The following THSD7B variants were observed in gnomAD, a reference collection of about 807,000 sequenced individuals.
The protein encoded by THSD7B is thrombospondin type-1 domain-containing protein 7B.
Under a neutral mutation model 213.6 loss-of-function variants are expected in THSD7B, and 138 were observed. The observed-to-expected ratio is 0.65, with a 90% CI of 0.56 to 0.74. The LOEUF is 0.74. Ranked by LOEUF, THSD7B falls within the 30% of genes least tolerant of loss-of-function variation. The pLI, the probability that THSD7B is intolerant of heterozygous loss-of-function variation, is 0.00. For synonymous variants in THSD7B, 742 were observed against 687.0 expected (o/e 1.08, Z -1.25); for missense variants, 1,931 against 1,991.5 (o/e 0.97, Z 0.58).
intron 1 of THSD7B, among the ~76,000 whole-genome samples, chr2:136,798,156 C>T (rs1175771565): frequency 1.3e-5 from 2 of 151,850 alleles, no homozygotes; most frequent in East Asian, 1.9e-4. Context: ...TTTATTCAAA[C>T]CTGATTCTTT....
At chr2:137,606,227 A>C (rs1682174594) in intron 17 of THSD7B, among the ~76,000 whole-genome samples, 1 of 152,162 alleles carries the variant, frequency 6.6e-6, no homozygotes, top group South Asian at 2.1e-4. Flanking sequence ...ATGAGGAAAG[A>C]GGAAAAAAAA....
Position 137,485,820 on chromosome 2 carries a change from A to G in THSD7B, c.3138+34797A>G, listed in dbSNP as rs1304501061. ...TCTCAGCAGAAACTCTACAAGCCAG[A>G]AGAGAGTGGGGGCCAATATTCAACA... is the stretch of plus-strand genomic sequence containing the variant. On this transcript the variant is annotated intron_variant, in intron 15 of 27. Coordinates refer to ENST00000409968, the MANE Select transcript of THSD7B (RefSeq NM_001316349.2). Among the ~76,000 whole-genome samples the G allele has an allele frequency of 8.5e-5, 13 of 152,088 alleles. No individual in the cohort carries two copies. The East Asian group carries it at 2.5e-3, about 29-fold the overall frequency.
chr2:137,676,665 T>G lies in THSD7B; in HGVS notation c.*60T>G, dbSNP rs531323498. The G allele has an allele frequency of 4.7e-5, 66 of 1,400,400 alleles. 1 individual carries two copies. The South Asian group carries it at 8.3e-4, about 18-fold the overall frequency. 86.7% of individuals were successfully genotyped at this position (1,400,400 alleles called of 1,614,324 possible). On this transcript the variant is annotated 3_prime_UTR_variant, in exon 28 of 28. Coordinates refer to ENST00000409968, the MANE Select transcript of THSD7B (RefSeq NM_001316349.2). Reference sequence around the variant, plus strand: ...CCTTAACCGCTTTCTCTTTTGTAGCTCTCAGACTTCTCAGTTTTTTGAGGA... The same window carrying G: ...CCTTAACCGCTTTCTCTTTTGTAGCGCTCAGACTTCTCAGTTTTTTGAGGA...
chr2:136,951,161 C>T (rs530540389), intron 2 of THSD7B, among the ~76,000 whole-genome samples: 3 of 152,238 alleles, frequency 2.0e-5, no homozygotes, highest in Admixed American at 1.3e-4. Flanking sequence ...TGGGACCCTA[C>T]TGAGAATGAG....
At chr2:137,298,606 C>T (rs1683522519) in intron 12 of THSD7B, among the ~76,000 whole-genome samples, 1 of 152,170 alleles carries the variant, frequency 6.6e-6, no homozygotes, top group Non-Finnish European at 1.5e-5. Context: ...GTTTCGTGGG[C>T]TGGGCCCAGG....
At chr2:136,892,008 G>A (rs1349174467) in intron 2 of THSD7B, among the ~76,000 whole-genome samples, 1 of 152,060 alleles carries the variant, frequency 6.6e-6, no homozygotes, top group East Asian at 1.9e-4. Context: ...AACTAGCTGG[G>A]GTTGGAACAG....
intron 15 of THSD7B, among the ~76,000 whole-genome samples, chr2:137,480,781 C>T (rs1055233808): frequency 3.2e-4 from 49 of 152,212 alleles, no homozygotes; most frequent in African/African-American, 1.2e-3. Flanking sequence ...TACTGGAATT[C>T]TCTAGACTTT....
intron 2 of THSD7B, among the ~76,000 whole-genome samples, chr2:136,929,594 G>A (rs1684595791): frequency 6.6e-6 from 1 of 152,160 alleles, no homozygotes; most frequent in Non-Finnish European, 1.5e-5. Flanking sequence ...AACCACTGAT[G>A]TCAGCTCAAT....
At chr2:137,142,179 TCA>T (rs1182525425) in intron 5 of THSD7B, among the ~76,000 whole-genome samples, 1 of 152,178 alleles carries the variant, frequency 6.6e-6, no homozygotes, top group African/African-American at 2.4e-5. Flanking sequence ...ATTTATTGAC[TCA>T]CATTTCTGGA....
chr2:137,086,346 C>T (rs1021290767), intron 3 of THSD7B, among the ~76,000 whole-genome samples: 1 of 151,524 alleles, frequency 6.6e-6, no homozygotes, highest in African/African-American at 2.4e-5. Context: ...CCCCCACCAC[C>T]AAAAAAAGTC....
intron 1 of THSD7B, among the ~76,000 whole-genome samples, chr2:136,866,003 C>G (rs1421097052): frequency 6.6e-6 from 1 of 152,178 alleles, no homozygotes; most frequent in African/African-American, 2.4e-5. Context: ...TACCTATTGT[C>G]TCATAAATAT....
Position 137,676,581 on chromosome 2 carries a change from C to T in THSD7B, c.4797C>T (p.Ala1599=), listed in dbSNP as rs778486494. 6 of 1,592,666 alleles carry T rather than the reference C, an allele frequency of 3.8e-6. No individual in the cohort carries two copies. In the African/African-American group the frequency reaches 6.8e-5, roughly 18 times the overall value. The change falls in exon 28 of 28, where the codon GCC becomes GCT. Residue 1599 remains alanine (A), a synonymous_variant. Coordinates refer to ENST00000409968, the MANE Select transcript of THSD7B (RefSeq NM_001316349.2). ...TPPQQKPLTL[A]YDGDLDM is the part of the protein sequence containing the mutation. The stretch of plus-strand genomic sequence containing the variant: ...CCCAACAGAAGCCTCTGACCTTAGC[C>T]TACGATGGAGACTTAGACATGTAAT...
chr2:137,190,964 G>A (rs1680645544), intron 7 of THSD7B, among the ~76,000 whole-genome samples: 1 of 152,164 alleles, frequency 6.6e-6, no homozygotes, highest in Non-Finnish European at 1.5e-5. Context: ...TCTAAGCCAG[G>A]ACTGAGAGAC....
intron 2 of THSD7B, among the ~76,000 whole-genome samples, chr2:136,890,183 A>G (rs1338651880): frequency 6.6e-6 from 1 of 151,776 alleles, no homozygotes; most frequent in Non-Finnish European, 1.5e-5. Flanking sequence ...TTTTTTATCC[A>G]TGAAGTCTGA....
At chr2:136,986,218 T>C (rs1402806196) in intron 2 of THSD7B, among the ~76,000 whole-genome samples, 1 of 152,132 alleles carries the variant, frequency 6.6e-6, no homozygotes, top group African/African-American at 2.4e-5. Flanking sequence ...TAAGGCATGA[T>C]TGTATTTTGA....
rs76768787 is a variant in THSD7B, at chr2:137,593,893, A to G, written c.3423+21337A>G. The stretch of plus-strand genomic sequence containing the variant: ...TTTCATCTTTTCTTCTAAAAGTTCT[A>G]TGAGTTGAGTGTTCACATTTAGATA... On this transcript the variant is annotated intron_variant, in intron 17 of 27. Coordinates refer to ENST00000409968, the MANE Select transcript of THSD7B (RefSeq NM_001316349.2). Among the ~76,000 whole-genome samples the G allele has an allele frequency of 7.5e-3, 1,144 of 152,022 alleles. 10 individuals carry two copies. Among genetic ancestry groups the G allele is most frequent in the Middle Eastern group, 0.037 (11 of 294 alleles).
At chr2:137,209,213 C>T (rs1681048144) in intron 7 of THSD7B, among the ~76,000 whole-genome samples, 1 of 152,014 alleles carries the variant, frequency 6.6e-6, no homozygotes, top group Non-Finnish European at 1.5e-5. Flanking sequence ...GTTTCAATTG[C>T]TCCTTTCCAA....
At chr2:137,369,132 AG>A (rs1248130823) in intron 12 of THSD7B, among the ~76,000 whole-genome samples, 3 of 7,804 alleles carry the variant, frequency 3.8e-4, no homozygotes, top group South Asian at 9.3e-3. Context: ...TGTTGTTTGG[AG>A]GGGGGGCGGG....
intron 2 of THSD7B, among the ~76,000 whole-genome samples, chr2:136,906,832 A>G (rs977876123): frequency 6.6e-6 from 1 of 152,090 alleles, no homozygotes; most frequent in African/African-American, 2.4e-5. Context: ...AATAAAAGAA[A>G]TAAAAATAAT....
Sources: gnomAD v4.1 joint callset for allele counts (sites outside exome capture counted in the v4.1 genomes callset) on GRCh38, gnomAD v4.1.1 for gene constraint, MANE v1.5 for transcripts, NCBI Gene and HGNC (gene_info 2026-07-23, HGNC 2026-07-21) for gene names.